The following LIN28B variants were observed in gnomAD, a reference collection of about 807,000 sequenced individuals.
LIN28B encodes the protein lin-28 RNA binding posttranscriptional regulator B.
Under a neutral mutation model 21.9 loss-of-function variants are expected in LIN28B, and 5 were observed. The observed-to-expected ratio is 0.23, with a 90% CI of 0.12 to 0.48. LIN28B has a LOEUF of 0.48. Ranked by LOEUF, LIN28B falls within the 20% of genes least tolerant of loss-of-function variation. The pLI, the probability that LIN28B is intolerant of heterozygous loss-of-function variation, is 0.98. For synonymous variants in LIN28B, 109 were observed against 111.3 expected (o/e 0.98, Z 0.13); for missense variants, 245 against 310.5 (o/e 0.79, Z 1.58).
chr6:104,983,369 T>C (rs1202903067), intron 2 of LIN28B, among the ~76,000 whole-genome samples: 1 of 151,942 alleles, frequency 6.6e-6, no homozygotes, highest in Non-Finnish European at 1.5e-5. Flanking sequence ...AAAAAGAAAG[T>C]AAAACAATGA....
At chr6:105,058,529 T>G in intron 3 of LIN28B, among the ~76,000 whole-genome samples, 1 of 152,224 alleles carries the variant, frequency 6.6e-6, no homozygotes. Context: ...GTCTCCAGAA[T>G]GAGAGGCTAT....
At chr6:104,994,017 A>T (rs193066751) in intron 2 of LIN28B, among the ~76,000 whole-genome samples, 3 of 151,360 alleles carry the variant, frequency 2.0e-5, no homozygotes, top group Admixed American at 1.3e-4. Context: ...ATATATATAT[A>T]TTTTTGAGAC....
At chr6:105,059,211 A>G (rs1213565331) in intron 3 of LIN28B, among the ~76,000 whole-genome samples, 1 of 110,630 alleles carries the variant, frequency 9.0e-6, no homozygotes, top group Non-Finnish European at 2.0e-5. Flanking sequence ...GTGTGTATAT[A>G]TATATGTATT....
chr6:105,028,453 T>A (rs142035828), intron 3 of LIN28B, among the ~76,000 whole-genome samples: 1 of 152,094 alleles, frequency 6.6e-6, no homozygotes, highest in East Asian at 1.9e-4. Flanking sequence ...AAAGAGCTAG[T>A]GGTGGTTTGG....
intron 3 of LIN28B, among the ~76,000 whole-genome samples, chr6:105,033,601 A>G (rs916158724): frequency 6.6e-6 from 1 of 152,036 alleles, no homozygotes; most frequent in Non-Finnish European, 1.5e-5. Context: ...TAACATTTCA[A>G]ACGAAATAAT....
At chr6:105,054,635 G>T (rs1259038349) in intron 3 of LIN28B, among the ~76,000 whole-genome samples, 1 of 152,202 alleles carries the variant, frequency 6.6e-6, no homozygotes, top group Non-Finnish European at 1.5e-5. Flanking sequence ...TCTGTGGAGG[G>T]AGTGGGAGAG....
intron 3 of LIN28B, among the ~76,000 whole-genome samples, chr6:105,055,215 T>A (rs765633220): frequency 6.6e-6 from 1 of 152,180 alleles, no homozygotes; most frequent in Non-Finnish European, 1.5e-5. Flanking sequence ...CTGGGGAAAT[T>A]TTTGGCCATC....
intron 2 of LIN28B, among the ~76,000 whole-genome samples, chr6:104,968,698 C>A (rs552465601): frequency 6.6e-6 from 1 of 152,212 alleles, no homozygotes; most frequent in South Asian, 2.1e-4. Flanking sequence ...CATTTTCTTC[C>A]TTAAGCTTTT....
At chr6:105,037,061 A>G (rs977518038) in intron 3 of LIN28B, among the ~76,000 whole-genome samples, 6 of 152,234 alleles carry the variant, frequency 3.9e-5, no homozygotes, top group African/African-American at 7.2e-5. Context: ...AATGTCTTAA[A>G]CATAAATTAT....
intron 2 of LIN28B, among the ~76,000 whole-genome samples, chr6:105,019,942 G>A (rs1401190381): frequency 6.6e-6 from 1 of 152,056 alleles, no homozygotes; most frequent in African/African-American, 2.4e-5. Context: ...TTTCTAAGGA[G>A]AATCAGTTAT....
At chr6:104,952,324 C>T (rs888394337), upstream of LIN28B, among the ~76,000 whole-genome samples, 3 of 152,114 alleles carry the variant, frequency 2.0e-5, no homozygotes, top group East Asian at 5.8e-4. Context: ...ATGAAGCTTC[C>T]TTTTGTGCCA....
intron 3 of LIN28B, among the ~76,000 whole-genome samples, chr6:105,075,778 T>C (rs1772414441): frequency 6.6e-6 from 1 of 152,220 alleles, no homozygotes; most frequent in Admixed American, 6.5e-5. Context: ...AATGGTTCCC[T>C]GAATTGGATA....
intron 3 of LIN28B, among the ~76,000 whole-genome samples, chr6:105,066,827 G>C (rs1257416003): frequency 6.6e-6 from 1 of 151,584 alleles, no homozygotes; most frequent in Non-Finnish European, 1.5e-5. Context: ...ATATATATAT[G>C]TAAAATATGA....
At chr6:105,033,118 G>A (rs1182687125) in intron 3 of LIN28B, among the ~76,000 whole-genome samples, 1 of 152,114 alleles carries the variant, frequency 6.6e-6, no homozygotes, top group Non-Finnish European at 1.5e-5. Flanking sequence ...TTTATATAAA[G>A]TGTAAGGCCT....
chr6:105,052,015 G>A (rs943612226), intron 3 of LIN28B, among the ~76,000 whole-genome samples: 14 of 152,356 alleles, frequency 9.2e-5, no homozygotes, highest in Admixed American at 4.6e-4. Flanking sequence ...GGAAATGCCT[G>A]AAGAGATGAC....
chr6:104,968,922 G>C (rs1460947995), intron 2 of LIN28B, among the ~76,000 whole-genome samples: 1 of 152,062 alleles, frequency 6.6e-6, no homozygotes, highest in Non-Finnish European at 1.5e-5. Flanking sequence ...AGCTTGGAAT[G>C]AATTATATCA....
chr6:104,985,974 T>C (rs1770330637), intron 2 of LIN28B, among the ~76,000 whole-genome samples: 1 of 152,202 alleles, frequency 6.6e-6, no homozygotes, highest in South Asian at 2.1e-4. Flanking sequence ...TGATATGGTT[T>C]GGATTTGTGT....
intron 2 of LIN28B, among the ~76,000 whole-genome samples, chr6:104,958,672 A>G (rs1769639643): frequency 1.3e-5 from 2 of 152,184 alleles, no homozygotes; most frequent in Admixed American, 6.5e-5. Context: ...AAACAAAGCG[A>G]AACAGTTTGC....
chr6:105,053,388 TG>T (rs1771950510), intron 3 of LIN28B, among the ~76,000 whole-genome samples: 3 of 129,382 alleles, frequency 2.3e-5, no homozygotes, highest in Non-Finnish European at 3.3e-5. Context: ...TTATGGTGTG[TG>T]TGTGTGTGTG....
Sources: allele counts gnomAD v4.1 joint callset (sites outside exome capture counted in the v4.1 genomes callset), GRCh38; gene constraint gnomAD v4.1.1; transcripts MANE v1.5; gene names NCBI Gene and HGNC (gene_info 2026-07-23, HGNC 2026-07-21).